Variants in ZNF883 observed in about 807,000 individuals in gnomAD.
ZNF883 encodes zinc finger protein 883.
intron 1 of ZNF883, among the ~76,000 whole-genome samples, chr9:112,990,374 T>C (rs1248831035): frequency 6.6e-6 from 1 of 152,246 alleles, no homozygotes; most frequent in East Asian, 1.9e-4. Context: ...GAGATAATCA[T>C]GTGGTTTTTG....
downstream of ZNF883, among the ~76,000 whole-genome samples, chr9:112,993,356 G>T (rs1190051258): frequency 1.3e-5 from 2 of 152,260 alleles, no homozygotes; most frequent in African/African-American, 2.4e-5. Flanking sequence ...TTTGCTGGGG[G>T]TCCCTCCCAT....
intron 2 of ZNF883, among the ~76,000 whole-genome samples, chr9:113,003,679 A>C (rs1241548296): frequency 6.6e-6 from 1 of 152,164 alleles, no homozygotes; most frequent in Non-Finnish European, 1.5e-5. Context: ...CTCAAACCAT[A>C]AGCAAGCTAA....
chr9:112,998,307 G>C, upstream of ZNF883: 1 of 1,421,096 alleles, frequency 7.0e-7, no homozygotes, highest in Non-Finnish European at 9.3e-7. Context: ...CATTTTTGTC[G>C]GTATGTAATA....
intron 1 of ZNF883, among the ~76,000 whole-genome samples, chr9:112,991,026 C>G (rs1479798419): frequency 6.6e-6 from 1 of 151,996 alleles, no homozygotes; most frequent in African/African-American, 2.4e-5. Context: ...AGTTAGCAAT[C>G]TATTTTATTA....
chr9:112,988,984 G>C (rs1564330094), intron 1 of ZNF883, among the ~76,000 whole-genome samples: 1 of 151,446 alleles, frequency 6.6e-6, no homozygotes, highest in Non-Finnish European at 1.5e-5. Flanking sequence ...GGGATTATTT[G>C]TTCTTGTAAA....
chr9:113,004,554 C>A (rs1564334258), intron 2 of ZNF883, among the ~76,000 whole-genome samples: 1 of 151,946 alleles, frequency 6.6e-6, no homozygotes, highest in Non-Finnish European at 1.5e-5. Context: ...GAGAAATGAT[C>A]TTTCTCTTTG....
At chr9:112,997,372 A>G in exon 1 of ZNF883, 2 of 1,613,998 alleles carry the variant, frequency 1.2e-6, no homozygotes, top group Non-Finnish European at 1.7e-6. Flanking sequence ...TCTGACATTC[A>G]TTACATTGAT....
At chr9:112,997,832 T>A in exon 1 of ZNF883, 1 of 1,613,120 alleles carries the variant, frequency 6.2e-7, no homozygotes, top group Non-Finnish European at 8.5e-7. Context: ...AATTCTATGA[T>A]GTTGAGTAAG....
intron 2 of ZNF883, among the ~76,000 whole-genome samples, chr9:113,006,814 T>C (rs990498027): frequency 6.6e-6 from 1 of 152,212 alleles, no homozygotes; most frequent in Non-Finnish European, 1.5e-5. Flanking sequence ...TCAAAATTTA[T>C]TGAATACCTT....
intron 2 of ZNF883, among the ~76,000 whole-genome samples, chr9:113,003,366 A>C (rs1352812605): frequency 3.3e-5 from 5 of 152,170 alleles, no homozygotes; most frequent in African/African-American, 4.8e-5. Flanking sequence ...CTGGGAGTCC[A>C]TTAAACCTCT....
At chr9:113,006,379 CT>C (rs1341911871) in intron 2 of ZNF883, among the ~76,000 whole-genome samples, 7 of 152,178 alleles carry the variant, frequency 4.6e-5, no homozygotes, top group Non-Finnish European at 8.8e-5. Flanking sequence ...AAATAGCCAG[CT>C]AACAACCCCT....
exon 1 of ZNF883, chr9:112,997,731 C>T: frequency 6.2e-7 from 1 of 1,613,754 alleles, no homozygotes; most frequent in Non-Finnish European, 8.5e-7. Context: ...GATTTTTCCT[C>T]AGAATGAATT....
At chr9:112,992,950 C>T (rs1337074634), downstream of ZNF883, among the ~76,000 whole-genome samples, 1 of 152,050 alleles carries the variant, frequency 6.6e-6, no homozygotes, top group East Asian at 1.9e-4. Flanking sequence ...ACTGGTTTTT[C>T]TGGTTAATAG....
upstream of ZNF883, chr9:112,999,119 G>C (rs909267320): frequency 1.3e-5 from 2 of 152,162 alleles, no homozygotes; most frequent in Non-Finnish European, 2.9e-5. Flanking sequence ...GGATTAAGTA[G>C]AAGATATTAT....
upstream of ZNF883, chr9:112,998,289 T>A: frequency 6.9e-7 from 1 of 1,445,874 alleles, no homozygotes; most frequent in Non-Finnish European, 9.1e-7. Flanking sequence ...TACATTTATT[T>A]ATTTTTTCAT....
rs369856169 is a variant in ZNF883, at chr9:112,997,285, T to A, written n.975A>T. ...AGCTTAAGCTGAAGGATTTCCCACA[T>A]TCATTACACTGGTAGGGTTTCTCTC... On this transcript the variant is annotated non_coding_transcript_exon_variant, in exon 1 of 1. Coordinates refer to ENST00000639662, the Ensembl canonical transcript of ZNF883. 2.9e-5 allele frequency: 47 copies of A among 1,614,200 alleles called. No individual in the cohort carries two copies. The African/African-American group carries it at 5.2e-4, about 18-fold the overall frequency.
chr9:112,997,986 T>A (rs1292047140), exon 1 of ZNF883: 59 of 1,613,740 alleles, frequency 3.7e-5, no homozygotes, highest in Non-Finnish European at 4.6e-5. Context: ...TTCTCCCCAG[T>A]ATGGACTCTT....
chr9:112,998,382 T>C (rs1285111971), upstream of ZNF883: 8 of 722,694 alleles, frequency 1.1e-5, no homozygotes, highest in African/African-American at 1.3e-4. Context: ...TCCTTTCTTA[T>C]ATCTAATAAA....
exon 1 of ZNF883, chr9:112,997,715 T>C: frequency 6.2e-7 from 1 of 1,613,792 alleles, no homozygotes; most frequent in South Asian, 1.1e-5. Context: ...TTGCTTACAC[T>C]GGTAGGATTT....
Sources: allele counts gnomAD v4.1 joint callset (sites outside exome capture counted in the v4.1 genomes callset), GRCh38; gene constraint gnomAD v4.1.1; transcripts MANE v1.5; gene names NCBI Gene and HGNC (gene_info 2026-07-23, HGNC 2026-07-21).